Variants in CCDC178 observed in about 807,000 individuals in gnomAD.
The protein encoded by CCDC178 is coiled-coil domain containing 178.
In CCDC178, 126 loss-of-function variants were observed where a neutral mutation model predicts 117.4. The observed-to-expected ratio is 1.07, with a 90% CI of 0.93 to 1.24. The LOEUF is 1.24. Among genes scored for constraint, CCDC178 ranks in the 50% most tolerant of loss-of-function variants. CCDC178 has a pLI of 0.00. For synonymous variants in CCDC178, 283 were observed against 313.4 expected (o/e 0.90, Z 1.02); for missense variants, 1,030 against 986.9 (o/e 1.04, Z -0.59).
chr18:33,405,191 TAAAG>T (rs1194490690), intron 3 of CCDC178, among the ~76,000 whole-genome samples: 2 of 151,900 alleles, frequency 1.3e-5, no homozygotes, highest in Non-Finnish European at 2.9e-5. Flanking sequence ...TAAATTATGA[TAAAG>T]AAGACTGAGA....
chr18:33,293,389 G>GA, intron 11 of CCDC178, 77 bp from the exon 12 acceptor site: 2 of 896,128 alleles, frequency 2.2e-6, no homozygotes, highest in Non-Finnish European at 3.2e-6. Context: ...GGCCAGGCTT[G>GA]GTGGCTCATG....
chr18:33,424,659 C>CA (rs1568218270), intron 2 of CCDC178, among the ~76,000 whole-genome samples: 3 of 152,146 alleles, frequency 2.0e-5, no homozygotes, highest in Non-Finnish European at 4.4e-5. Flanking sequence ...AGCCACGGCA[C>CA]GGCCCAGAGG....
intron 20 of CCDC178, among the ~76,000 whole-genome samples, chr18:33,146,879 G>A (rs139614822): frequency 2.0e-5 from 3 of 152,252 alleles, no homozygotes; most frequent in Non-Finnish European, 2.9e-5. Flanking sequence ...AGTCTAATGC[G>A]TTTTTAAGAC....
At chr18:33,012,685 T>G (rs1598787427) in intron 21 of CCDC178, among the ~76,000 whole-genome samples, 1 of 152,160 alleles carries the variant, frequency 6.6e-6, no homozygotes, top group Non-Finnish European at 1.5e-5. Context: ...TTGTAGATGG[T>G]TTCCACTGTC....
intron 21 of CCDC178, among the ~76,000 whole-genome samples, chr18:33,008,661 A>T (rs537635931): frequency 6.6e-6 from 1 of 152,166 alleles, no homozygotes; most frequent in Admixed American, 6.6e-5. Context: ...TCATGTCTGC[A>T]CAGGTTCTCC....
At chr18:33,428,575 T>C (rs1311420744) in intron 2 of CCDC178, among the ~76,000 whole-genome samples, 2 of 151,402 alleles carry the variant, frequency 1.3e-5, no homozygotes, top group Admixed American at 1.3e-4. Flanking sequence ...CTACTAAAAA[T>C]ACCAAAATTA....
intron 20 of CCDC178, among the ~76,000 whole-genome samples, chr18:33,190,877 A>T (rs1234070971): frequency 1.3e-5 from 2 of 151,924 alleles, no homozygotes; most frequent in Non-Finnish European, 1.5e-5. Flanking sequence ...TCTCTCTCTC[A>T]TTACTTTCAA....
intron 11 of CCDC178, among the ~76,000 whole-genome samples, chr18:33,305,785 G>A (rs1455688344): frequency 6.6e-6 from 1 of 152,072 alleles, no homozygotes; most frequent in Non-Finnish European, 1.5e-5. Flanking sequence ...CACAGACAAA[G>A]TGGCCTTGGC....
intron 2 of CCDC178, among the ~76,000 whole-genome samples, chr18:33,429,658 CTT>C (rs971229393): frequency 1.3e-4 from 20 of 152,134 alleles, no homozygotes; most frequent in African/African-American, 4.3e-4. Flanking sequence ...AAAAGAACCT[CTT>C]TTAATTCAGG....
intron 20 of CCDC178, among the ~76,000 whole-genome samples, chr18:33,156,769 T>C (rs1202620475): frequency 6.6e-6 from 1 of 152,158 alleles, no homozygotes; most frequent in Non-Finnish European, 1.5e-5. Context: ...TGGAAAAGAT[T>C]TCCACTACGA....
At chr18:33,415,786 C>T (rs2063931999) in intron 2 of CCDC178, among the ~76,000 whole-genome samples, 1 of 152,102 alleles carries the variant, frequency 6.6e-6, no homozygotes, top group Admixed American at 6.5e-5. Flanking sequence ...AATAGATATA[C>T]ACTTTTCCTT....
rs190867189 is a variant in CCDC178 at position 33,358,297 on chromosome 18, C to T, written c.349-1951G>A. 3.4e-3 allele frequency among the ~76,000 whole-genome samples: 517 copies of T among 151,666 alleles called. 5 individuals are homozygous for T. Among genetic ancestry groups the T allele is most frequent in the South Asian group, 0.021 (103 of 4,814 alleles). ...AATAGATTTTTTTCATATAATATGA[C>T]AAGCTTATTCTAAAATTTATATGGA... On this transcript the variant is annotated intron_variant, in intron 6 of 22. Transcript: ENST00000383096.
chr18:33,435,075 A>G (rs756275465), intron 2 of CCDC178, among the ~76,000 whole-genome samples: 1 of 152,134 alleles, frequency 6.6e-6, no homozygotes, highest in Non-Finnish European at 1.5e-5. Context: ...TGAACTATGA[A>G]TGAGGGACCG....
chr18:33,115,348 T>C lies in CCDC178; in HGVS notation c.2239-22438A>G, dbSNP rs551011288. Among the ~76,000 whole-genome samples the C allele has an allele frequency of 3.9e-5, 6 of 152,146 alleles. No homozygotes were observed. The South Asian group carries it at 6.2e-4, about 16-fold the overall frequency. On this transcript the variant is annotated intron_variant, in intron 20 of 22. Transcript: ENST00000383096. ...ACTTGGTTTATCAAAATGTACTATA[T>C]CCAGAAATTGTTTAGAAGCCTTATT...
intron 3 of CCDC178, among the ~76,000 whole-genome samples, chr18:33,407,909 A>G (rs769102127): frequency 2.6e-5 from 4 of 151,872 alleles, no homozygotes; most frequent in Non-Finnish European, 5.9e-5. Flanking sequence ...TCTATAATTC[A>G]ATCTAGAAGT....
intron 5 of CCDC178, among the ~76,000 whole-genome samples, chr18:33,381,372 C>T (rs1042839562): frequency 6.6e-6 from 1 of 152,138 alleles, no homozygotes; most frequent in African/African-American, 2.4e-5. Context: ...TCAGTAACTT[C>T]CCTACTCTGG....
intron 2 of CCDC178, among the ~76,000 whole-genome samples, chr18:33,416,868 G>C (rs1016408932): frequency 5.9e-5 from 9 of 152,058 alleles, no homozygotes; most frequent in Admixed American, 2.0e-4. Context: ...TTGCCCAGCA[G>C]TAAAAGTGCA....
chr18:33,266,293 G>A (rs533978490), intron 14 of CCDC178, among the ~76,000 whole-genome samples: 4 of 151,908 alleles, frequency 2.6e-5, no homozygotes, highest in African/African-American at 7.2e-5. Context: ...CTGTGTATGC[G>A]ACCTGTGTTT....
At chr18:32,998,223 A>G (rs1299241968) in intron 21 of CCDC178, among the ~76,000 whole-genome samples, 1 of 152,188 alleles carries the variant, frequency 6.6e-6, no homozygotes, top group Non-Finnish European at 1.5e-5. Flanking sequence ...GCCCTATTGC[A>G]GAGGAATGCA....
Sources: gnomAD v4.1 joint callset for allele counts (sites outside exome capture counted in the v4.1 genomes callset) on GRCh38, gnomAD v4.1.1 for gene constraint, MANE v1.5 for transcripts, NCBI Gene and HGNC (gene_info 2026-07-23, HGNC 2026-07-21) for gene names.